The following RPS6KC1 variants were observed in gnomAD, a reference collection of about 807,000 sequenced individuals.
RPS6KC1 encodes the protein inactive ribosomal protein S6 kinase delta-1.
In RPS6KC1, 54 loss-of-function variants were observed where a neutral mutation model predicts 103.8. That is an observed-to-expected ratio of 0.52 (90% confidence interval 0.42 to 0.65). The LOEUF (loss-of-function observed/expected upper bound fraction) is 0.65, where lower values mean the gene tolerates loss of function less well. Ranked by LOEUF, RPS6KC1 falls within the 30% of genes least tolerant of loss-of-function variation. The pLI is 0.00. For missense variants in RPS6KC1, 1,151 were observed against 1,253.8 expected, an observed-to-expected ratio of 0.92 and a Z score of 1.24; for synonymous variants, 439 against 438.7, an observed-to-expected ratio of 1.00 and a Z score of -0.01.
chr1:213,417,549 G>T, the RPS6KC1 span, among the ~76,000 whole-genome samples: 1 of 152,114 alleles, frequency 6.6e-6, no homozygotes, highest in East Asian at 1.9e-4. Flanking sequence ...AAAGCCAGTG[G>T]GGGCTCGGGG....
At chr1:213,727,808 G>A in the RPS6KC1 span, among the ~76,000 whole-genome samples, 1 of 152,152 alleles carries the variant, frequency 6.6e-6, no homozygotes, top group Non-Finnish European at 1.5e-5. Context: ...ACAAAAAATG[G>A]TGAAAACAAA....
chr1:213,309,777 C>T, the RPS6KC1 span, among the ~76,000 whole-genome samples: 1 of 149,772 alleles, frequency 6.7e-6, no homozygotes, highest in Non-Finnish European at 1.5e-5. Flanking sequence ...CTCTGCCTCC[C>T]GGGTTCAAGC....
intron 1 of RPS6KC1, among the ~76,000 whole-genome samples, chr1:213,070,256 A>G (rs1452507922): frequency 1.3e-5 from 2 of 152,152 alleles, no homozygotes; most frequent in Non-Finnish European, 2.9e-5. Context: ...GCTGCTTTTT[A>G]TGCTTCTAAT....
the RPS6KC1 span, among the ~76,000 whole-genome samples, chr1:213,382,533 C>CTTTT: frequency 3.0e-5 from 4 of 134,372 alleles, no homozygotes; most frequent in African/African-American, 1.1e-4. Context: ...TTCACTCCAT[C>CTTTT]TTTTTTTTTT....
At chr1:213,638,555 T>C in the RPS6KC1 span, among the ~76,000 whole-genome samples, 1 of 146,174 alleles carries the variant, frequency 6.8e-6, no homozygotes, top group Admixed American at 6.7e-5. Flanking sequence ...ACAAGATTTG[T>C]TTTGGGTTTT....
chr1:213,462,192 T>C, the RPS6KC1 span, among the ~76,000 whole-genome samples: 5 of 152,054 alleles, frequency 3.3e-5, no homozygotes, highest in Non-Finnish European at 1.5e-5. Flanking sequence ...AAAATGCAGA[T>C]CAAAACCACA....
the RPS6KC1 span, among the ~76,000 whole-genome samples, chr1:213,328,640 G>A: frequency 1.3e-5 from 2 of 150,950 alleles, no homozygotes; most frequent in Non-Finnish European, 2.9e-5. Context: ...AGAAAAGTGG[G>A]GAGAGAGAAG....
At chr1:213,234,498 A>T (rs181994796) in intron 10 of RPS6KC1, among the ~76,000 whole-genome samples, 1 of 152,342 alleles carries the variant, frequency 6.6e-6, no homozygotes, top group East Asian at 1.9e-4. Context: ...GAAGTTCTGA[A>T]TGGCAAAAGA....
intron 14 of RPS6KC1, among the ~76,000 whole-genome samples, chr1:213,263,752 A>C (rs2094851858): frequency 6.6e-6 from 1 of 152,206 alleles, no homozygotes; most frequent in Admixed American, 6.5e-5. Context: ...ATAAGCTACA[A>C]AGGTAAGACA....
chr1:213,738,165 A>G, the RPS6KC1 span, among the ~76,000 whole-genome samples: 1 of 152,162 alleles, frequency 6.6e-6, no homozygotes, highest in Non-Finnish European at 1.5e-5. Context: ...ACACATATAT[A>G]TATTCAGTTA....
At chr1:213,248,255 T>C (rs1202074767) in intron 12 of RPS6KC1, among the ~76,000 whole-genome samples, 1 of 152,154 alleles carries the variant, frequency 6.6e-6, no homozygotes, top group African/African-American at 2.4e-5. Context: ...AGGAATAATT[T>C]TGAGTAAAAT....
intron 12 of RPS6KC1, among the ~76,000 whole-genome samples, chr1:213,253,023 T>C (rs2094572065): frequency 1.3e-5 from 2 of 152,156 alleles, no homozygotes; most frequent in South Asian, 4.1e-4. Context: ...AAGAAATGAG[T>C]CTTTTCATTT....
In RPS6KC1 at chr1:213,240,787, A is replaced by G. The variant is rs748938195; in HGVS notation, c.1311A>G (p.Thr437=). The change falls in exon 11 of 15, where the codon ACA becomes ACG. Residue 437 remains threonine, a synonymous_variant. Transcript: ENST00000366960. ...ACATCAAGGAAGTGAAAAAACCTAC[A>G]CTTGCAAAAGTTCACCTGCAGCAGC... ...SFDIKEVKKP[T]LAKVHLQQPT... The G allele has an allele frequency of 3.1e-6, 5 of 1,613,934 alleles. No individual in the cohort carries two copies. In the South Asian group the frequency reaches 5.5e-5, roughly 18 times the overall value.
At chr1:213,299,995 C>T in the RPS6KC1 span, among the ~76,000 whole-genome samples, 6 of 151,970 alleles carry the variant, frequency 3.9e-5, no homozygotes, top group South Asian at 2.1e-4. Context: ...TTAGTAGAGA[C>T]GGGGTTTCAC....
the RPS6KC1 span, among the ~76,000 whole-genome samples, chr1:213,754,486 A>T: frequency 1.3e-5 from 2 of 152,192 alleles, no homozygotes; most frequent in Non-Finnish European, 2.9e-5. Flanking sequence ...CAGAGTTCTC[A>T]CAAGTGGTTT....
the RPS6KC1 span, among the ~76,000 whole-genome samples, chr1:213,460,803 G>C: frequency 1.3e-5 from 2 of 152,110 alleles, no homozygotes; most frequent in East Asian, 3.9e-4. Flanking sequence ...AAATCTCTCA[G>C]TATTTGCTTG....
At chr1:213,594,444 A>T in the RPS6KC1 span, among the ~76,000 whole-genome samples, 1 of 152,214 alleles carries the variant, frequency 6.6e-6, no homozygotes, top group African/African-American at 2.4e-5. Flanking sequence ...AAAAAATATG[A>T]TTACAGTATG....
rs760431303 is a variant in RPS6KC1, at chr1:213,241,527, C to T, written c.2051C>T (p.Thr684Ile). The change falls in exon 11 of 15, where the codon ACT becomes ATT. Residue 684 changes from threonine to isoleucine, a missense_variant. Coordinates refer to ENST00000366960, the MANE Select transcript of RPS6KC1 (RefSeq NM_012424.6). The stretch of plus-strand genomic sequence containing the variant: ...GCTGCTTTTGATGATGTCAGTGGTA[C>T]TGATGAAGGAAGACCTGATCTTCTT... ...KDAAFDDVSGTDEGRPDLLVN... is the reference protein window; with the variant it reads ...KDAAFDDVSGIDEGRPDLLVN... 2 of 1,613,910 alleles carry T rather than the reference C, an allele frequency of 1.2e-6. No individual in the cohort carries two copies. Among genetic ancestry groups the T allele is most frequent in the South Asian group, 2.2e-5 (2 of 91,080 alleles).
chr1:213,107,858 T>C (rs528854496), intron 4 of RPS6KC1, among the ~76,000 whole-genome samples: 2 of 152,328 alleles, frequency 1.3e-5, no homozygotes, highest in Middle Eastern at 3.4e-3. Context: ...TTCACCATAG[T>C]ATTAATTTCA....
Sources: allele counts gnomAD v4.1 joint callset (sites outside exome capture counted in the v4.1 genomes callset), GRCh38; gene constraint gnomAD v4.1.1; transcripts MANE v1.5; gene names NCBI Gene and HGNC (gene_info 2026-07-23, HGNC 2026-07-21).